Variants in USP25 observed in about 807,000 individuals in gnomAD.
The protein encoded by USP25 is ubiquitin carboxyl-terminal hydrolase 25.
Under a neutral mutation model 158.5 loss-of-function variants are expected in USP25, and 85 were observed. The observed-to-expected ratio is 0.54, with a 90% CI of 0.45 to 0.64. The LOEUF is 0.64. USP25 is among the 30% of genes least tolerant of loss of function. The probability of loss-of-function intolerance (pLI) is 0.00; values close to 1 mark genes in which losing one functional copy is unlikely to be tolerated. For missense variants in USP25, 1,242 were observed against 1,327.3 expected, an observed-to-expected ratio of 0.94 and a Z score of 1.00; for synonymous variants, 464 against 460.4, an observed-to-expected ratio of 1.01 and a Z score of -0.10.
intron 3 of USP25, among the ~76,000 whole-genome samples, chr21:15,777,048 T>C (rs2034696082): frequency 6.6e-6 from 1 of 152,204 alleles, no homozygotes; most frequent in South Asian, 2.1e-4. Flanking sequence ...TATTTATCAT[T>C]GGCATCATCT....
chr21:15,877,654 T>A (rs2040149865), intron 24 of USP25, 142 bp from the exon 25 acceptor site: 1 of 613,426 alleles, frequency 1.6e-6, no homozygotes, highest in Non-Finnish European at 2.7e-6. Flanking sequence ...CTAGATAGGT[T>A]GAGATTGTTT....
Position 15,730,356 on chromosome 21 carries a change from G to A in USP25, c.-38G>A. ...GGCCGGCGGAGGCGCGAGGAGCCGG[G>A]CGCCACCGCCGCCGCCGCCGCCGCC... On this transcript the variant is annotated 5_prime_UTR_variant, in exon 1 of 26. Transcript: ENST00000400183. The A allele has an allele frequency of 8.5e-7, 1 of 1,171,380 alleles. No individual in the cohort carries two copies. The allele number at this position is 1,171,380 out of a possible 1,614,324, so 72.6% of individuals were successfully genotyped here.
intron 9 of USP25, among the ~76,000 whole-genome samples, chr21:15,812,143 A>G (rs1488128349): frequency 2.0e-5 from 3 of 150,738 alleles, no homozygotes; most frequent in Non-Finnish European, 4.4e-5. Flanking sequence ...ATGAGTTAAT[A>G]TATATAAGTT....
intron 1 of USP25, among the ~76,000 whole-genome samples, chr21:15,737,592 G>C (rs1267720806): frequency 6.6e-6 from 1 of 151,482 alleles, no homozygotes; most frequent in Admixed American, 6.6e-5. Flanking sequence ...TTTTTTTAAT[G>C]TTAGTTGTTT....
intron 18 of USP25, among the ~76,000 whole-genome samples, chr21:15,847,065 TATA>T (rs1264395476): frequency 2.0e-5 from 3 of 152,142 alleles, no homozygotes; most frequent in African/African-American, 7.2e-5. Flanking sequence ...ATAGGCTGTA[TATA>T]ATAAGTTAAA....
intron 1 of USP25, among the ~76,000 whole-genome samples, chr21:15,746,048 T>G (rs2032531591): frequency 6.6e-6 from 1 of 152,248 alleles, no homozygotes; most frequent in African/African-American, 2.4e-5. Context: ...ACTCAGTTCC[T>G]TTCTATCCTT....
chr21:15,859,609 G>A (rs749642227), intron 20 of USP25, among the ~76,000 whole-genome samples: 6 of 152,078 alleles, frequency 3.9e-5, no homozygotes, highest in South Asian at 2.1e-4. Context: ...GATATCTTTC[G>A]TGTTACCAGA....
In USP25 at chr21:15,878,801, C is replaced by G; in HGVS notation, c.*326C>G. 4.5e-6 allele frequency: 1 copy of G among 221,290 alleles called. No individual in the cohort carries two copies. Among genetic ancestry groups the G allele is most frequent in the Non-Finnish European group, 9.0e-6 (1 of 111,326 alleles). 13.7% of individuals were successfully genotyped at this position (221,290 alleles called of 1,614,324 possible). A position where few individuals can be genotyped will look rare whatever the true frequency, so the allele number is the denominator to read the frequency against. On this transcript the variant is annotated 3_prime_UTR_variant, in exon 26 of 26. Transcript: ENST00000400183. ...CTTTCTCAACAGCTTTCCATTCAGT[C>G]TGGATCCTTCCATGACTACAGCCAT...
At chr21:15,872,838 A>G (rs1057334408) in intron 23 of USP25, among the ~76,000 whole-genome samples, 14 of 152,292 alleles carry the variant, frequency 9.2e-5, no homozygotes, top group South Asian at 4.1e-4. Context: ...AAGTACATGA[A>G]TTAAGTAATA....
chr21:15,818,633 C>T (rs2037071542), intron 9 of USP25, 65 bp from the exon 10 acceptor site: 27 of 1,407,464 alleles, frequency 1.9e-5, no homozygotes, highest in South Asian at 8.1e-5. Flanking sequence ...AGAATCCTTA[C>T]GTACTCTTAA....
intron 4 of USP25, among the ~76,000 whole-genome samples, chr21:15,784,485 T>A (rs750596548): frequency 6.6e-6 from 1 of 152,048 alleles, no homozygotes; most frequent in African/African-American, 2.4e-5. Flanking sequence ...GACAGGAGAA[T>A]TGCTTGAACC....
At chr21:15,846,110 G>GTA (rs2038574059) in intron 18 of USP25, among the ~76,000 whole-genome samples, 1 of 82,864 alleles carries the variant, frequency 1.2e-5, no homozygotes, top group Non-Finnish European at 2.1e-5. Context: ...TGATATATGT[G>GTA]TGTGTGTGTG....
chr21:15,765,334 T>C (rs1179675957), intron 2 of USP25, among the ~76,000 whole-genome samples: 2 of 152,144 alleles, frequency 1.3e-5, no homozygotes, highest in Non-Finnish European at 2.9e-5. Context: ...ATTCTTATTC[T>C]GGCATCTGCT....
Position 15,878,720 on chromosome 21 carries a change from G to T in USP25, c.*245G>T. ...CACAAATCTAATTGATTTTATTATGGCAAAACTATGCTTTTGCCACCTTCC... is the reference window on the plus strand; with the variant it reads ...CACAAATCTAATTGATTTTATTATGTCAAAACTATGCTTTTGCCACCTTCC... On this transcript the variant is annotated 3_prime_UTR_variant, in exon 26 of 26. Transcript: ENST00000400183. The T allele has an allele frequency of 2.6e-6, 1 of 379,572 alleles. No individual in the cohort carries two copies. Among genetic ancestry groups the T allele is most frequent in the Non-Finnish European group, 4.7e-6 (1 of 214,352 alleles). The allele number at this position is 379,572 out of a possible 1,614,324, so 23.5% of individuals were successfully genotyped here. A position where few individuals can be genotyped will look rare whatever the true frequency, so the allele number is the denominator to read the frequency against.
chr21:15,828,839 A>G (rs556779559), intron 14 of USP25, among the ~76,000 whole-genome samples: 2 of 152,184 alleles, frequency 1.3e-5, no homozygotes, highest in African/African-American at 4.8e-5. Context: ...GGGTTTCACC[A>G]TGTTGGCCAG....
intron 1 of USP25, among the ~76,000 whole-genome samples, chr21:15,741,132 A>T (rs546526839): frequency 6.1e-5 from 9 of 148,362 alleles, no homozygotes; most frequent in African/African-American, 1.2e-4. Context: ...TTTATACCAA[A>T]TTTTTTTTTT....
intron 4 of USP25, among the ~76,000 whole-genome samples, chr21:15,779,573 G>A (rs2034848437): frequency 1.3e-5 from 2 of 151,656 alleles, no homozygotes; most frequent in Non-Finnish European, 1.5e-5. Context: ...AAAACAACAG[G>A]TACTAATTAT....
Position 15,808,793 on chromosome 21 carries a change from T to C in USP25, c.781-16T>C. On this transcript the variant is annotated splice_polypyrimidine_tract_variant and intron_variant, in intron 7 of 25. Coordinates refer to ENST00000400183, the MANE Select transcript of USP25 (RefSeq NM_001283041.3). Reference sequence around the variant, plus strand: ...TTAGTAGGCTCAAATATCAACAGGCTTTTTTCTTTTCACAGCAAGATGTGA... The same window carrying C: ...TTAGTAGGCTCAAATATCAACAGGCCTTTTTCTTTTCACAGCAAGATGTGA... The C allele has an allele frequency of 4.4e-6, 7 of 1,584,260 alleles. No individual in the cohort carries two copies. Among genetic ancestry groups the C allele is most frequent in the Non-Finnish European group, 6.0e-6 (7 of 1,170,524 alleles).
intron 3 of USP25, among the ~76,000 whole-genome samples, chr21:15,770,401 T>C (rs1249400074): frequency 2.0e-5 from 3 of 152,172 alleles, no homozygotes; most frequent in Non-Finnish European, 2.9e-5. Flanking sequence ...CTTGTATAAC[T>C]TGATGAATTT....
Sources: gnomAD v4.1 joint callset for allele counts (sites outside exome capture counted in the v4.1 genomes callset) on GRCh38, gnomAD v4.1.1 for gene constraint, MANE v1.5 for transcripts, NCBI Gene and HGNC (gene_info 2026-07-23, HGNC 2026-07-21) for gene names.